POLR3B: variants seen among roughly 807,000 people sequenced by gnomAD.
POLR3B encodes the protein RNA polymerase III subunit B.
POLR3B carries 96 observed loss-of-function variants against 147.4 expected under a neutral mutation model. The ratio of observed to expected loss-of-function variants is 0.65; its 90% CI spans 0.55 to 0.77. POLR3B has a LOEUF of 0.77. Ranked by LOEUF, POLR3B falls within the 30% of genes least tolerant of loss-of-function variation. The pLI is 0.00. For synonymous variants in POLR3B, 461 were observed against 485.9 expected, an observed-to-expected ratio of 0.95 and a Z score of 0.67; for missense variants, 1,036 against 1,413.5, an observed-to-expected ratio of 0.73 and a Z score of 4.28.
intron 23 of POLR3B, among the ~76,000 whole-genome samples, chr12:106,472,623 G>A (rs1431773823): frequency 5.3e-5 from 8 of 149,998 alleles, no homozygotes; most frequent in Non-Finnish European, 4.4e-5. Flanking sequence ...GTGATGATGA[G>A]CATTTTTTCA....
intron 24 of POLR3B, chr12:106,496,470 T>C: frequency 1.7e-6 from 1 of 597,284 alleles, no homozygotes; most frequent in Non-Finnish European, 3.0e-6. Flanking sequence ...TTATTTTTAG[T>C]GATCCTGGCT....
At chr12:106,398,996 G>A (rs548398009) in intron 10 of POLR3B, among the ~76,000 whole-genome samples, 6 of 152,246 alleles carry the variant, frequency 3.9e-5, no homozygotes, top group South Asian at 4.1e-4. Context: ...TGACTTTGAC[G>A]AGTTGAGAAA....
intron 20 of POLR3B, among the ~76,000 whole-genome samples, chr12:106,455,823 A>ATG (rs2037857727): frequency 6.6e-6 from 1 of 152,206 alleles, no homozygotes; most frequent in South Asian, 2.1e-4. Flanking sequence ...GGCCTTGCTT[A>ATG]AAGACACAAA....
chr12:106,470,616 T>C (rs867502441), intron 23 of POLR3B, among the ~76,000 whole-genome samples: 1 of 152,296 alleles, frequency 6.6e-6, no homozygotes, highest in Middle Eastern at 3.4e-3. Flanking sequence ...TCTTTGATGT[T>C]GGTGACCTAT....
At position 106,408,744 on chromosome 12, in the gene POLR3B, C is replaced by T. The variant is rs116099965; in HGVS notation, c.967-2082C>T. Among the ~76,000 whole-genome samples the T allele has an allele frequency of 1.1e-3, 163 of 152,322 alleles. 2 individuals carry two copies. The highest frequency in any genetic ancestry group is 3.8e-3 in the African/African-American group (158 of 41,572). Reference sequence around the variant, plus strand: ...AGTATCCCACAAAGGAGTATCTGAACTACTCTTAGCTTTCTCCTAAAAAGT... The same window carrying T: ...AGTATCCCACAAAGGAGTATCTGAATTACTCTTAGCTTTCTCCTAAAAAGT... On this transcript the variant is annotated intron_variant, in intron 11 of 27. Coordinates refer to ENST00000228347, the MANE Select transcript of POLR3B (RefSeq NM_018082.6).
At chr12:106,362,956 C>T (rs1421715251) in intron 1 of POLR3B, among the ~76,000 whole-genome samples, 3 of 152,088 alleles carry the variant, frequency 2.0e-5, no homozygotes, top group Non-Finnish European at 2.9e-5. Flanking sequence ...CCCCCAAGCA[C>T]CTTTTGATTT....
intron 8 of POLR3B, among the ~76,000 whole-genome samples, chr12:106,379,182 A>G (rs1355111914): frequency 1.3e-5 from 2 of 152,192 alleles, no homozygotes; most frequent in Non-Finnish European, 2.9e-5. Flanking sequence ...TTTACAACTA[A>G]CAGGCCTTAA....
In POLR3B at chr12:106,387,264, A is replaced by T. The variant is rs555178905; in HGVS notation, c.724-5767A>T. The stretch of plus-strand genomic sequence containing the variant: ...GCTTTCCCTGTTATGAATCTGCATC[A>T]TTATTTTTAGTGACTGTTGTGTAGA... On this transcript the variant is annotated intron_variant, in intron 9 of 27. Transcript: ENST00000228347. Among the ~76,000 whole-genome samples the T allele has an allele frequency of 9.2e-5, 14 of 152,282 alleles. No individual in the cohort carries two copies. In the South Asian group the frequency reaches 2.9e-3, roughly 32 times the overall value.
chr12:106,360,128 TCTTA>T (rs555384383), intron 1 of POLR3B, among the ~76,000 whole-genome samples: 2 of 152,230 alleles, frequency 1.3e-5, no homozygotes, highest in South Asian at 4.1e-4. Flanking sequence ...GACTGTCCTC[TCTTA>T]CTTCCTAACT....
At chr12:106,506,944 A>G (rs2038697731) in intron 27 of POLR3B, among the ~76,000 whole-genome samples, 1 of 152,170 alleles carries the variant, frequency 6.6e-6, no homozygotes, top group East Asian at 1.9e-4. Context: ...CTCTTTAATG[A>G]GCCACACAAT....
chr12:106,402,959 G>A (rs1323128676), intron 10 of POLR3B, among the ~76,000 whole-genome samples: 4 of 152,114 alleles, frequency 2.6e-5, no homozygotes, highest in South Asian at 2.1e-4. Context: ...ATTGACAAAT[G>A]GGATCTAATT....
intron 27 of POLR3B, among the ~76,000 whole-genome samples, chr12:106,508,401 C>T (rs962828077): frequency 6.6e-6 from 1 of 152,152 alleles, no homozygotes; most frequent in Non-Finnish European, 1.5e-5. Flanking sequence ...GGTCAGCACC[C>T]GATCTTCCAA....
intron 23 of POLR3B, among the ~76,000 whole-genome samples, chr12:106,486,286 TCAAAAAAA>T (rs1303419979): frequency 2.5e-5 from 1 of 40,432 alleles, no homozygotes; most frequent in African/African-American, 1.2e-4. Flanking sequence ...AGACTCCGTC[TCAAAAAAA>T]AAAAAAAAAA....
intron 7 of POLR3B, among the ~76,000 whole-genome samples, chr12:106,377,821 G>A (rs577912650): frequency 1.3e-4 from 20 of 152,142 alleles, no homozygotes; most frequent in East Asian, 3.9e-4. Context: ...TCAGATGGGC[G>A]CAATGGCTCT....
At chr12:106,489,085 A>G (rs182983944) in intron 23 of POLR3B, among the ~76,000 whole-genome samples, 2 of 152,348 alleles carry the variant, frequency 1.3e-5, no homozygotes, top group African/African-American at 4.8e-5. Flanking sequence ...AGCACCTCCA[A>G]CAAAGGTCCT....
At chr12:106,372,566 C>A (rs2036622947) in intron 6 of POLR3B, among the ~76,000 whole-genome samples, 1 of 152,046 alleles carries the variant, frequency 6.6e-6, no homozygotes, top group Non-Finnish European at 1.5e-5. Flanking sequence ...GTCATGAACT[C>A]CTGACCTCAT....
Position 106,457,227 on chromosome 12 carries a change from T to C in POLR3B, c.2383T>C (p.Leu795=). 1 of 1,613,542 alleles carries C rather than the reference T, an allele frequency of 6.2e-7. No homozygotes were observed. The highest frequency in any genetic ancestry group is 8.5e-7 in the Non-Finnish European group (1 of 1,179,478). ...QTFDKVMGPM[L]DAATRKPIWR... ...TTTTGATAAAGTGATGGGGCCCATGTTGGATGCTGCTACAAGGAAACCTAT... is the reference window on the plus strand; with the variant it reads ...TTTTGATAAAGTGATGGGGCCCATGCTGGATGCTGCTACAAGGAAACCTAT... The change falls in exon 21 of 28, where the codon TTG becomes CTG. Residue 795 remains leucine (L), a synonymous_variant. Transcript: ENST00000228347.
intron 16 of POLR3B, among the ~76,000 whole-genome samples, chr12:106,435,726 T>G (rs187402698): frequency 3.3e-4 from 50 of 152,262 alleles, no homozygotes; most frequent in African/African-American, 1.1e-3. Flanking sequence ...AGGCACACAT[T>G]AGGTGCTTAT....
At chr12:106,481,665 C>G (rs546886272) in intron 23 of POLR3B, among the ~76,000 whole-genome samples, 3 of 152,202 alleles carry the variant, frequency 2.0e-5, no homozygotes, top group African/African-American at 4.8e-5. Flanking sequence ...CCCATTCTTT[C>G]TCCTTACACG....
Sources: allele counts gnomAD v4.1 joint callset (sites outside exome capture counted in the v4.1 genomes callset), GRCh38; gene constraint gnomAD v4.1.1; transcripts MANE v1.5; gene names NCBI Gene and HGNC (gene_info 2026-07-23, HGNC 2026-07-21).